USP4: variants seen among roughly 807,000 people sequenced by gnomAD.
The protein encoded by USP4 is ubiquitin carboxyl-terminal hydrolase 4.
In USP4, 72 loss-of-function variants were observed where a neutral mutation model predicts 118.2. That is an observed-to-expected ratio of 0.61 (90% confidence interval 0.50 to 0.74). The LOEUF is 0.74. USP4 is among the 30% of genes least tolerant of loss of function. The probability of loss-of-function intolerance (pLI) is 0.00; values close to 1 mark genes in which losing one functional copy is unlikely to be tolerated. For synonymous variants in USP4, 415 were observed against 440.4 expected, an observed-to-expected ratio of 0.94 and a Z score of 0.72; for missense variants, 1,037 against 1,185.7, an observed-to-expected ratio of 0.87 and a Z score of 1.84.
In USP4 at chr3:49,277,147, C is replaced by A. The variant is rs371470495; in HGVS notation, c.*1146G>T. ...CCAGGCCGCTGGCCCTACCGGCACC[C>A]CCCCTTTGGCGAGTCGGCAGCCACG... is the stretch of plus-strand genomic sequence containing the variant. On this transcript the variant is annotated 3_prime_UTR_variant, in exon 22 of 22. Coordinates refer to ENST00000265560, the MANE Select transcript of USP4 (RefSeq NM_003363.4). 2.0e-4 allele frequency: 292 copies of A among 1,440,414 alleles called. 2 individuals are homozygous for A. The East Asian group carries it at 4.0e-3, about 20-fold the overall frequency. The allele number at this position is 1,440,414 out of a possible 1,614,324, so 89.2% of individuals were successfully genotyped here.
intron 15 of USP4, among the ~76,000 whole-genome samples, chr3:49,292,248 C>T (rs2107772619): frequency 6.7e-6 from 1 of 150,358 alleles, no homozygotes; most frequent in Admixed American, 6.6e-5. Context: ...ATTGCACCAC[C>T]ACATTCCAGC....
intron 2 of USP4, among the ~76,000 whole-genome samples, chr3:49,333,653 G>C (rs541736902): frequency 1.2e-4 from 19 of 152,172 alleles, no homozygotes; most frequent in Non-Finnish European, 2.4e-4. Context: ...TGGTGAAGCA[G>C]CGAGAATACA....
chr3:49,300,770 C>T, intron 10 of USP4, 79 bp from the exon 11 acceptor site: 1 of 1,341,128 alleles, frequency 7.5e-7, no homozygotes. Flanking sequence ...TCACAGCAAA[C>T]CTGGAGATGA....
chr3:49,315,486 G>A (rs900887595), intron 6 of USP4, among the ~76,000 whole-genome samples: 1 of 152,144 alleles, frequency 6.6e-6, no homozygotes, highest in African/African-American at 2.4e-5. Context: ...CAAACCCTGG[G>A]CATTACAGGC....
intron 1 of USP4, among the ~76,000 whole-genome samples, chr3:49,337,717 A>T (rs1269073887): frequency 2.0e-5 from 3 of 151,310 alleles, no homozygotes; most frequent in African/African-American, 7.3e-5. Context: ...GATTACAGGC[A>T]TGAGCCACTG....
chr3:49,312,728 A>C (rs1257386400), intron 6 of USP4: 2 of 292,390 alleles, frequency 6.8e-6, no homozygotes, highest in Non-Finnish European at 1.4e-5. Context: ...CGGGAGGCGG[A>C]GGTTGCAGTG....
chr3:49,283,006 CTCT>C (rs2047052206), intron 19 of USP4, among the ~76,000 whole-genome samples: 2 of 135,306 alleles, frequency 1.5e-5, no homozygotes, highest in African/African-American at 2.8e-5. Flanking sequence ...CTGTGCCGGC[CTCT>C]TTTTTTTTTT....
chr3:49,283,188 G>T (rs1389864382), intron 19 of USP4, among the ~76,000 whole-genome samples: 16 of 150,760 alleles, frequency 1.1e-4, no homozygotes. Flanking sequence ...GCTAACTTTT[G>T]CATTTTTAGT....
intron 11 of USP4, among the ~76,000 whole-genome samples, chr3:49,299,068 C>G (rs540882464): frequency 1.3e-5 from 2 of 151,878 alleles, no homozygotes; most frequent in Admixed American, 6.6e-5. Flanking sequence ...CCACCAAGCC[C>G]GGCCTCAACT....
intron 8 of USP4, among the ~76,000 whole-genome samples, chr3:49,307,306 G>A (rs1006768256): frequency 6.6e-6 from 1 of 151,392 alleles, no homozygotes; most frequent in Admixed American, 6.6e-5. Flanking sequence ...AAATTAGCTG[G>A]GCGTAGTGGC....
intron 3 of USP4, among the ~76,000 whole-genome samples, chr3:49,327,186 C>T (rs1317996952): frequency 6.6e-6 from 1 of 152,162 alleles, no homozygotes; most frequent in Non-Finnish European, 1.5e-5. Flanking sequence ...TGTTTAGAGG[C>T]CACTCATGAT....
intron 10 of USP4, 146 bp from the exon 11 acceptor site, chr3:49,300,837 T>C: frequency 1.4e-6 from 1 of 694,018 alleles, no homozygotes; most frequent in Non-Finnish European, 2.4e-6. Flanking sequence ...AGGCCAGGAC[T>C]ACTCTTAGTG....
At chr3:49,311,806 CTTTA>C (rs2047385670) in intron 6 of USP4, 152 bp from the exon 7 acceptor site, 9 of 1,357,608 alleles carry the variant, frequency 6.6e-6, no homozygotes, top group Non-Finnish European at 8.6e-6. Flanking sequence ...TCAAGGTAAA[CTTTA>C]TTTAAGTGAG....
In USP4 at chr3:49,278,819, T is replaced by C. The variant is rs537594493; in HGVS notation, c.2728A>G (p.Ile910Val). 1.2e-6 allele frequency: 2 copies of C among 1,608,060 alleles called. No individual in the cohort carries two copies. The highest frequency in any genetic ancestry group is 2.7e-5 in the African/African-American group (2 of 74,792). ...ACATATCATGGCCTACTCACCACTA[T>C]CTGATCCTCAGAGGCCAGGGACACG... ...SNVSLASEDQ[I>V]VTKAAYVLFY... is the part of the protein sequence containing the mutation. Residue 910 changes from isoleucine (I) to valine (V), a missense_variant, in exon 21 of 22, where the codon ATA (isoleucine) becomes GTA (valine). Physicochemically the swap from Ile to Val is conservative, Grantham distance 29. Coordinates refer to ENST00000265560, the MANE Select transcript of USP4 (RefSeq NM_003363.4).
At chr3:49,284,246 C>T in intron 18 of USP4, 110 bp from the exon 19 acceptor site, 7 of 1,419,138 alleles carry the variant, frequency 4.9e-6, no homozygotes, top group Non-Finnish European at 5.8e-6. Context: ...TCCTCTCGGT[C>T]AGCACTCAAC....
At chr3:49,311,701 C>T in intron 6 of USP4, 47 bp from the exon 7 acceptor site, 1 of 1,606,512 alleles carries the variant, frequency 6.2e-7, no homozygotes, top group Non-Finnish European at 8.5e-7. Context: ...TTGCAAAGAG[C>T]AAGCCCTATT....
chr3:49,325,887 GCT>G, intron 3 of USP4, 42 bp from the exon 4 acceptor site: 1 of 1,608,008 alleles, frequency 6.2e-7, no homozygotes, highest in South Asian at 1.1e-5. Context: ...CGGTTTTGCA[GCT>G]GGGCAGTCTT....
intron 2 of USP4, among the ~76,000 whole-genome samples, chr3:49,334,796 C>T (rs770381088): frequency 6.6e-6 from 1 of 152,092 alleles, no homozygotes; most frequent in Admixed American, 6.6e-5. Flanking sequence ...AGATTACAGG[C>T]GTGAGACACC....
At chr3:49,318,718 G>C (rs746297318) in intron 6 of USP4, 1 of 583,518 alleles carries the variant, frequency 1.7e-6, no homozygotes, top group Non-Finnish European at 2.2e-6. Flanking sequence ...AGACCAGCCT[G>C]GCCAACGTGG....
Sources: allele counts gnomAD v4.1 joint callset (sites outside exome capture counted in the v4.1 genomes callset), GRCh38; gene constraint gnomAD v4.1.1; transcripts MANE v1.5; gene names NCBI Gene and HGNC (gene_info 2026-07-23, HGNC 2026-07-21).